OTUD7B: variants seen among roughly 807,000 people sequenced by gnomAD.
OTUD7B encodes the protein OTU domain-containing protein 7B.
Under a neutral mutation model 82.2 loss-of-function variants are expected in OTUD7B, and 34 were observed. That is an observed-to-expected ratio of 0.41 (90% CI 0.31 to 0.55). OTUD7B has a LOEUF of 0.55. OTUD7B is among the 20% of genes least tolerant of loss of function. OTUD7B has a pLI of 0.20. For synonymous variants in OTUD7B, 398 were observed against 402.7 expected, an observed-to-expected ratio of 0.99 and a Z score of 0.14; for missense variants, 944 against 1,062.1, an observed-to-expected ratio of 0.89 and a Z score of 1.55.
chr1:150,028,581 C>T, the OTUD7B span, among the ~76,000 whole-genome samples: 1 of 152,202 alleles, frequency 6.6e-6, no homozygotes, highest in Non-Finnish European at 1.5e-5. Context: ...ACACTATATT[C>T]ATTAAACAAT....
At position 149,942,829 on chromosome 1, in the gene OTUD7B, A is replaced by C. The variant is rs917402647; in HGVS notation, c.*1028T>G. 4 of 152,360 alleles carry C rather than the reference A, an allele frequency of 2.6e-5. No individual in the cohort carries two copies. Among genetic ancestry groups the C allele is most frequent in the Non-Finnish European group, 4.4e-5 (3 of 67,936 alleles). 9.4% of individuals were successfully genotyped at this position (152,360 alleles called of 1,614,324 possible). Reference sequence around the variant, plus strand: ...TGTTTTTGCTTGCTGGGGTCTTTTTATTTCTTTTCCTTAAAAAAAAAAGTC... The same window carrying C: ...TGTTTTTGCTTGCTGGGGTCTTTTTCTTTCTTTTCCTTAAAAAAAAAAGTC... On this transcript the variant is annotated 3_prime_UTR_variant, in exon 12 of 12. Coordinates refer to ENST00000581312, the MANE Select transcript of OTUD7B (RefSeq NM_020205.4).
At chr1:149,990,352 C>T (rs1469067060) in intron 1 of OTUD7B, among the ~76,000 whole-genome samples, 1 of 152,294 alleles carries the variant, frequency 6.6e-6, no homozygotes, top group East Asian at 1.9e-4. Context: ...TCTAAACAGG[C>T]CTAACACATT....
chr1:150,032,128 T>G, the OTUD7B span, among the ~76,000 whole-genome samples: 3 of 151,492 alleles, frequency 2.0e-5, no homozygotes, highest in African/African-American at 7.3e-5. Flanking sequence ...CTGGCCAACA[T>G]GGTGAAACCC....
intron 7 of OTUD7B, among the ~76,000 whole-genome samples, chr1:149,958,965 T>C (rs587716540): frequency 3.9e-4 from 59 of 151,934 alleles, no homozygotes; most frequent in African/African-American, 1.2e-3. Context: ...CTCATGCTTG[T>C]AATCCCAGCA....
At chr1:150,053,834 TA>T in the OTUD7B span, 53 of 263,158 alleles carry the variant, frequency 2.0e-4, no homozygotes, top group African/African-American at 8.1e-4. Flanking sequence ...TGGCCATTAT[TA>T]AAAAGTCAGC....
the OTUD7B span, among the ~76,000 whole-genome samples, chr1:150,031,510 T>A: frequency 6.6e-6 from 1 of 152,366 alleles, no homozygotes; most frequent in Non-Finnish European, 1.5e-5. Flanking sequence ...TGTGCATTTT[T>A]AATAAAACGC....
At chr1:150,022,180 C>A in the OTUD7B span, among the ~76,000 whole-genome samples, 1 of 151,956 alleles carries the variant, frequency 6.6e-6, no homozygotes. Flanking sequence ...GGTGGATCAC[C>A]TGAGGTCGGG....
the OTUD7B span, among the ~76,000 whole-genome samples, chr1:150,040,713 C>CTTTTTTTTTTTTT: frequency 1.4e-5 from 2 of 145,462 alleles, 1 homozygote; most frequent in Non-Finnish European, 3.0e-5. Flanking sequence ...CTTTTCTTTC[C>CTTTTTTTTTTTTT]TTTTTTTTTT....
Position 149,974,671 on chromosome 1 carries a change from T to A in OTUD7B, c.85+2755A>T, listed in dbSNP as rs192169578. Among the ~76,000 whole-genome samples, 7 of 149,582 alleles carry A rather than the reference T, an allele frequency of 4.7e-5. No individual in the cohort carries two copies. In the East Asian group the frequency reaches 1.4e-3, roughly 30 times the overall value. ...TTTAAGAGATTCTCCTGCCTCAGCC[T>A]CCCAAGCAGCTGGAACTACAGGCAC... is the stretch of plus-strand genomic sequence containing the variant. On this transcript the variant is annotated intron_variant, in intron 2 of 11. Coordinates refer to ENST00000581312, the MANE Select transcript of OTUD7B (RefSeq NM_020205.4).
chr1:150,039,386 A>AT, the OTUD7B span, among the ~76,000 whole-genome samples: 45 of 79,000 alleles, frequency 5.7e-4, no homozygotes, highest in Middle Eastern at 0.039. Context: ...TTAAAAAAAA[A>AT]ATTTTTTTTG....
intron 1 of OTUD7B, among the ~76,000 whole-genome samples, chr1:149,980,934 G>T (rs1553779503): frequency 6.7e-6 from 1 of 148,558 alleles, no homozygotes; most frequent in Non-Finnish European, 1.5e-5. Context: ...GATTGCTTGA[G>T]CCTGGGAGGT....
the OTUD7B span, among the ~76,000 whole-genome samples, chr1:150,056,499 C>T: frequency 6.6e-6 from 1 of 152,068 alleles, no homozygotes; most frequent in South Asian, 2.1e-4. Flanking sequence ...TATAGCTAGG[C>T]TAAAGACTAC....
chr1:150,055,497 T>A, the OTUD7B span, among the ~76,000 whole-genome samples: 3 of 152,024 alleles, frequency 2.0e-5, no homozygotes, highest in African/African-American at 7.3e-5. Flanking sequence ...TGATTCCTCA[T>A]AGAGCTAAAA....
chr1:149,948,379 T>TC (rs1647919796), intron 10 of OTUD7B, among the ~76,000 whole-genome samples: 1 of 150,068 alleles, frequency 6.7e-6, no homozygotes, highest in Admixed American at 6.7e-5. Context: ...TTTCTTTCTT[T>TC]TTTTTTTTTT....
the OTUD7B span, among the ~76,000 whole-genome samples, chr1:150,045,618 C>A: frequency 6.6e-6 from 1 of 152,190 alleles, no homozygotes; most frequent in Non-Finnish European, 1.5e-5. Context: ...GAATCAAATA[C>A]TTTTAATTAG....
At chr1:150,023,203 T>C in the OTUD7B span, among the ~76,000 whole-genome samples, 1 of 152,228 alleles carries the variant, frequency 6.6e-6, no homozygotes. Flanking sequence ...AATGTAAATT[T>C]GTACAACCAT....
At chr1:150,065,994 C>A in the OTUD7B span, among the ~76,000 whole-genome samples, 1 of 152,092 alleles carries the variant, frequency 6.6e-6, no homozygotes, top group Admixed American at 6.5e-5. Context: ...AAGTATAAAT[C>A]ATCAAAAGGA....
At chr1:150,011,549 G>C (rs1428580259), upstream of OTUD7B, among the ~76,000 whole-genome samples, 1 of 152,136 alleles carries the variant, frequency 6.6e-6, no homozygotes, top group African/African-American at 2.4e-5. Flanking sequence ...ATGGCTATGA[G>C]AACATAATAA....
intron 2 of OTUD7B, among the ~76,000 whole-genome samples, chr1:149,974,201 G>A (rs1650133191): frequency 6.6e-6 from 1 of 152,120 alleles, no homozygotes; most frequent in Non-Finnish European, 1.5e-5. Flanking sequence ...GAGTAGCTGG[G>A]ATTACAGGCA....
Sources: allele counts gnomAD v4.1 joint callset (sites outside exome capture counted in the v4.1 genomes callset), GRCh38; gene constraint gnomAD v4.1.1; transcripts MANE v1.5; gene names NCBI Gene and HGNC (gene_info 2026-07-23, HGNC 2026-07-21).